Variants in TENT4B observed in about 807,000 individuals in gnomAD.
TENT4B encodes terminal nucleotidyltransferase 4B.
In TENT4B, 10 loss-of-function variants were observed where a neutral mutation model predicts 75.0. The ratio of observed to expected loss-of-function variants is 0.13; its 90% CI spans 0.08 to 0.23. TENT4B has a LOEUF of 0.23. Ranked by LOEUF, TENT4B falls within the 10% of genes least tolerant of loss-of-function variation. The pLI, the probability that TENT4B is intolerant of heterozygous loss-of-function variation, is 1.00. For missense variants in TENT4B, 579 were observed against 893.8 expected, an observed-to-expected ratio of 0.65 and a Z score of 4.49; for synonymous variants, 350 against 357.7, an observed-to-expected ratio of 0.98 and a Z score of 0.24.
intron 1 of TENT4B, among the ~76,000 whole-genome samples, chr16:50,199,272 G>C (rs8056580): frequency 0.75 from 113,499 of 152,224 alleles, 42,849 homozygotes; most frequent in Non-Finnish European, 0.8. Context: ...TGGGGGCCAC[G>C]CATGGCTGTT....
intron 1 of TENT4B, among the ~76,000 whole-genome samples, chr16:50,196,502 TC>T (rs2030261161): frequency 6.8e-6 from 1 of 146,014 alleles, no homozygotes; most frequent in Non-Finnish European, 1.5e-5. Context: ...ATCATCATCA[TC>T]ATCATCATCA....
chr16:50,156,429 C>T (rs2037902120), intron 1 of TENT4B, among the ~76,000 whole-genome samples: 1 of 151,318 alleles, frequency 6.6e-6, no homozygotes, highest in Admixed American at 6.6e-5. Context: ...ACCGCAACCT[C>T]TGCCTCCCAG....
chr16:50,156,884 A>G (rs926155200), intron 1 of TENT4B, among the ~76,000 whole-genome samples: 4 of 151,256 alleles, frequency 2.6e-5, no homozygotes, highest in African/African-American at 9.7e-5. Flanking sequence ...CTGGTCTTCA[A>G]CCGGCCTCAA....
chr16:50,228,989 C>G (rs2032177702), intron 11 of TENT4B, among the ~76,000 whole-genome samples, 163 bp from the exon 12 acceptor site: 1 of 152,040 alleles, frequency 6.6e-6, no homozygotes. Flanking sequence ...AAAAAGAACC[C>G]CTGTAACAGC....
At chr16:50,192,932 G>T (rs2150711224) in intron 1 of TENT4B, among the ~76,000 whole-genome samples, 1 of 152,222 alleles carries the variant, frequency 6.6e-6, no homozygotes, top group African/African-American at 2.4e-5. Context: ...AAATTAGCTG[G>T]GCATGGTGTT....
chr16:50,225,433 A>G (rs538946154), intron 10 of TENT4B, 148 bp downstream of exon 10: 99 of 868,696 alleles, frequency 1.1e-4, no homozygotes, highest in Admixed American at 4.4e-4. Context: ...CATTTTCTCA[A>G]CATTTTGTTA....
At position 50,225,009 on chromosome 16, in the gene TENT4B, T is replaced by C. The variant is rs1438486185; in HGVS notation, c.1612+15T>C. 1.2e-6 allele frequency: 2 copies of C among 1,611,664 alleles called. No homozygotes were observed. The highest frequency in any genetic ancestry group is 1.7e-6 in the Non-Finnish European group (2 of 1,178,036). ...TTCATGCAATGGTAAGATATTTTCC[T>C]TGGTCGATTGACTGAGTATTAGAGG... is the stretch of plus-strand genomic sequence containing the variant. On this transcript the variant is annotated intron_variant, in intron 9 of 11. Transcript: ENST00000561678.
At chr16:50,201,539 GAA>G (rs927670660) in intron 1 of TENT4B, among the ~76,000 whole-genome samples, 1 of 143,684 alleles carries the variant, frequency 7.0e-6, no homozygotes, top group African/African-American at 2.6e-5. Flanking sequence ...TCTGTCTCAA[GAA>G]AAAAAAAAAT....
Position 50,229,792 on chromosome 16 carries a change from A to T in TENT4B, c.*464A>T, listed in dbSNP as rs1448807584. The T allele has an allele frequency of 2.8e-5, 27 of 956,072 alleles. No homozygotes were observed. Among genetic ancestry groups the T allele is most frequent in the Non-Finnish European group, 3.2e-5 (26 of 803,312 alleles). 59.2% of individuals were successfully genotyped at this position (956,072 alleles called of 1,614,324 possible). On this transcript the variant is annotated 3_prime_UTR_variant, in exon 12 of 12. Transcript: ENST00000561678. ...AGTGATCTGTGCATGTTTTTTTTTT[A>T]AATATTTTTGCATATATTTACCATT...
At chr16:50,227,391 G>A (rs930953948) in intron 10 of TENT4B, among the ~76,000 whole-genome samples, 1 of 152,162 alleles carries the variant, frequency 6.6e-6, no homozygotes, top group Admixed American at 6.5e-5. Context: ...GCCCACTGTC[G>A]CGGGAAGTCC....
upstream of TENT4B, chr16:50,153,023 G>C: frequency 2.0e-6 from 3 of 1,515,834 alleles, no homozygotes; most frequent in Non-Finnish European, 2.6e-6. Context: ...AGAAGCTCCC[G>C]GACGCCCAGG....
chr16:50,187,480 G>A (rs949001694), intron 1 of TENT4B, among the ~76,000 whole-genome samples: 2 of 152,224 alleles, frequency 1.3e-5, no homozygotes, highest in African/African-American at 4.8e-5. Flanking sequence ...CTACTTGGGA[G>A]GCTGAGGCAG....
chr16:50,186,269 C>T (rs2038525134), intron 1 of TENT4B, among the ~76,000 whole-genome samples: 1 of 151,706 alleles, frequency 6.6e-6, no homozygotes, highest in Non-Finnish European at 1.5e-5. Flanking sequence ...TATCAATTTG[C>T]CTCTTCCATC....
At chr16:50,214,733 A>G (rs918853123) in intron 3 of TENT4B, among the ~76,000 whole-genome samples, 4 of 152,208 alleles carry the variant, frequency 2.6e-5, no homozygotes, top group Non-Finnish European at 5.9e-5. Flanking sequence ...ATCACTTCAC[A>G]TCATCTTACC....
At chr16:50,203,152 C>T (rs2030751427) in intron 1 of TENT4B, among the ~76,000 whole-genome samples, 1 of 152,192 alleles carries the variant, frequency 6.6e-6, no homozygotes, top group Admixed American at 6.5e-5. Context: ...TTGTAAATGC[C>T]TGCAGCATTC....
intron 1 of TENT4B, among the ~76,000 whole-genome samples, chr16:50,175,039 C>T (rs181189352): frequency 2.0e-5 from 3 of 152,200 alleles, no homozygotes; most frequent in African/African-American, 7.2e-5. Flanking sequence ...CCATGCCTGG[C>T]CCCTCTTACT....
intron 1 of TENT4B, among the ~76,000 whole-genome samples, chr16:50,183,324 G>A (rs2038459558): frequency 6.6e-6 from 1 of 151,988 alleles, no homozygotes; most frequent in African/African-American, 2.4e-5. Flanking sequence ...GATTACAGGT[G>A]TGAGCCACCG....
chr16:50,154,139 A>C lies in TENT4B; in HGVS notation c.518A>C (p.Asn173Thr). 6.6e-7 allele frequency: 1 copy of C among 1,525,434 alleles called. No individual in the cohort carries two copies. Among genetic ancestry groups the C allele is most frequent in the South Asian group, 1.2e-5 (1 of 82,146 alleles). The allele number at this position is 1,525,434 out of a possible 1,614,324, so 94.5% of individuals were successfully genotyped here. A position where few individuals can be genotyped will look rare whatever the true frequency, so the allele number is the denominator to read the frequency against. The change falls in exon 1 of 12, where the codon AAC (asparagine) becomes ACC (threonine). Residue 173 changes from asparagine to threonine, a missense_variant. Asn to Thr is a moderately conservative substitution (Grantham distance 65). Coordinates refer to ENST00000561678, the MANE Select transcript of TENT4B (RefSeq NM_001365324.3). ...RDNKASTYGL[N>T]YSLLQPSGGR... Reference sequence around the variant, plus strand: ...AACAAGGCCAGCACGTATGGACTCAACTACAGCCTGCTGCAGCCCAGCGGA... The same window carrying C: ...AACAAGGCCAGCACGTATGGACTCACCTACAGCCTGCTGCAGCCCAGCGGA...
chr16:50,202,394 G>C (rs1483149986), intron 1 of TENT4B, among the ~76,000 whole-genome samples: 1 of 152,044 alleles, frequency 6.6e-6, no homozygotes, highest in East Asian at 1.9e-4. Flanking sequence ...GGATTATGTG[G>C]GTTAAACACA....
Sources: allele counts gnomAD v4.1 joint callset (sites outside exome capture counted in the v4.1 genomes callset), GRCh38; gene constraint gnomAD v4.1.1; transcripts MANE v1.5; gene names NCBI Gene and HGNC (gene_info 2026-07-23, HGNC 2026-07-21).